DZIP3: variants seen among roughly 807,000 people sequenced by gnomAD.
DZIP3 encodes E3 ubiquitin-protein ligase DZIP3.
DZIP3 carries 118 observed loss-of-function variants against 162.0 expected under a neutral mutation model. The observed-to-expected ratio is 0.73, with a 90% CI of 0.63 to 0.85. DZIP3 has a LOEUF of 0.85. Ranked by LOEUF, DZIP3 falls within the 40% of genes least tolerant of loss-of-function variation. DZIP3 has a pLI of 0.00. For synonymous variants in DZIP3, 438 were observed against 458.6 expected, an observed-to-expected ratio of 0.96 and a Z score of 0.57; for missense variants, 1,331 against 1,407.0, an observed-to-expected ratio of 0.95 and a Z score of 0.86.
chr3:108,681,632 T>C (rs1180306553), intron 26 of DZIP3, among the ~76,000 whole-genome samples: 2 of 151,918 alleles, frequency 1.3e-5, no homozygotes, highest in Non-Finnish European at 2.9e-5. Flanking sequence ...CATGCACACA[T>C]ATGTTTATTG....
At chr3:108,621,129 G>T (rs1412946245) in intron 5 of DZIP3, among the ~76,000 whole-genome samples, 1 of 151,942 alleles carries the variant, frequency 6.6e-6, no homozygotes, top group East Asian at 1.9e-4. Flanking sequence ...CCAGATCATT[G>T]TATTTTTAAA....
intron 11 of DZIP3, among the ~76,000 whole-genome samples, 183 bp downstream of exon 11, chr3:108,636,891 T>G (rs1479388029): frequency 2.6e-5 from 4 of 151,790 alleles, no homozygotes; most frequent in Admixed American, 2.6e-4. Flanking sequence ...TAAGTGGTCC[T>G]TAAGAACAGT....
chr3:108,599,961 A>T (rs949649324), intron 1 of DZIP3, among the ~76,000 whole-genome samples: 19 of 152,202 alleles, frequency 1.2e-4, no homozygotes, highest in African/African-American at 4.3e-4. Context: ...TCATTTCAAA[A>T]GCCACAAAGA....
chr3:108,664,490 G>A (rs902735556), intron 21 of DZIP3, among the ~76,000 whole-genome samples: 4 of 152,242 alleles, frequency 2.6e-5, no homozygotes, highest in African/African-American at 9.6e-5. Flanking sequence ...CTGCCAGGAT[G>A]TGTCAGTGTG....
intron 19 of DZIP3, among the ~76,000 whole-genome samples, chr3:108,658,547 T>C (rs1342222488): frequency 5.9e-5 from 9 of 151,670 alleles, no homozygotes; most frequent in Non-Finnish European, 1.0e-4. Flanking sequence ...AGGAAAGATC[T>C]AAAATTGACA....
intron 9 of DZIP3, among the ~76,000 whole-genome samples, chr3:108,633,428 C>T (rs541071431): frequency 6.6e-6 from 1 of 151,882 alleles, no homozygotes; most frequent in Admixed American, 6.6e-5. Flanking sequence ...AGAATGGTAG[C>T]ATTTTACTAA....
At chr3:108,602,452 G>A (rs1298582150) in intron 1 of DZIP3, among the ~76,000 whole-genome samples, 1 of 152,098 alleles carries the variant, frequency 6.6e-6, no homozygotes, top group African/African-American at 2.4e-5. Flanking sequence ...GTGGATAAAG[G>A]TGTGCTGTAA....
Position 108,677,649 on chromosome 3 carries a change from G to A in DZIP3, c.2883+51G>A, listed in dbSNP as rs112789715. On this transcript the variant is annotated intron_variant, in intron 26 of 32. Coordinates refer to ENST00000361582, the MANE Select transcript of DZIP3 (RefSeq NM_014648.4). ...TTGCCCTTTTCATTTTGACAAAATG[G>A]TAAGGGCTGTGAAACACTGAATATG... 1.4e-3 allele frequency: 2,023 copies of A among 1,486,196 alleles called. 15 individuals are homozygous for A. The African/African-American group carries it at 0.025, about 18-fold the overall frequency. 92.1% of individuals were successfully genotyped at this position (1,486,196 alleles called of 1,614,324 possible). A position where few individuals can be genotyped will look rare whatever the true frequency, so the allele number is the denominator to read the frequency against.
rs918970929 is a variant in DZIP3, at chr3:108,675,041, G to A, written c.2694-745G>A. On this transcript the variant is annotated intron_variant, in intron 24 of 32. Coordinates refer to ENST00000361582, the MANE Select transcript of DZIP3 (RefSeq NM_014648.4). ...CATTAGGATATTATGGAACTTCTTT[G>A]TATGAGATTATGTTAGTGATAACTT... is the stretch of plus-strand genomic sequence containing the variant. Among the ~76,000 whole-genome samples the A allele has an allele frequency of 2.0e-5, 3 of 151,864 alleles. 1 individual carries two copies. Among genetic ancestry groups the A allele is most frequent in the Non-Finnish European group, 4.4e-5 (3 of 67,914 alleles).
intron 28 of DZIP3, among the ~76,000 whole-genome samples, chr3:108,687,212 A>G (rs560944136): frequency 9.9e-5 from 15 of 152,042 alleles, no homozygotes; most frequent in Non-Finnish European, 1.2e-4. Flanking sequence ...ACACTTCATT[A>G]TTAAATTATA....
intron 19 of DZIP3, among the ~76,000 whole-genome samples, chr3:108,661,412 A>ACTCATAGG (rs1943426467): frequency 6.6e-6 from 1 of 152,176 alleles, no homozygotes. Flanking sequence ...ACATGTTCTC[A>ACTCATAGG]CTCATAGGTG....
At chr3:108,664,824 G>A (rs1042543394) in intron 21 of DZIP3, among the ~76,000 whole-genome samples, 2 of 152,166 alleles carry the variant, frequency 1.3e-5, no homozygotes, top group African/African-American at 4.8e-5. Context: ...AGTGTGAGCT[G>A]GTGCTCCACT....
At chr3:108,648,877 A>G (rs755605939) in intron 16 of DZIP3, 41 bp from the exon 17 acceptor site, 6 of 1,073,418 alleles carry the variant, frequency 5.6e-6, no homozygotes, top group Middle Eastern at 2.4e-4. Context: ...CCATTGGGCA[A>G]TTTGAATTAC....
At position 108,673,587 on chromosome 3, in the gene DZIP3, G is replaced by C. The variant is rs78416171; in HGVS notation, c.2590-491G>C. Among the ~76,000 whole-genome samples the C allele has an allele frequency of 1.6e-3, 240 of 151,934 alleles. 3 individuals carry two copies. In the East Asian group the frequency reaches 0.038, roughly 24 times the overall value. ...GTGATATGGAAAGGATTCCTGCTGCGAGAGAGACACTGAACTACGTAATCT... is the reference window on the plus strand; with the variant it reads ...GTGATATGGAAAGGATTCCTGCTGCCAGAGAGACACTGAACTACGTAATCT... On this transcript the variant is annotated intron_variant, in intron 23 of 32. Coordinates refer to ENST00000361582, the MANE Select transcript of DZIP3 (RefSeq NM_014648.4).
intron 1 of DZIP3, among the ~76,000 whole-genome samples, chr3:108,594,480 G>A (rs1359692854): frequency 2.2e-5 from 3 of 134,122 alleles, no homozygotes; most frequent in African/African-American, 8.6e-5. Flanking sequence ...TACATGTGCA[G>A]GTTTGTTACA....
intron 2 of DZIP3, among the ~76,000 whole-genome samples, chr3:108,607,117 T>C (rs1940423208): frequency 6.6e-6 from 1 of 152,160 alleles, no homozygotes; most frequent in Admixed American, 6.5e-5. Flanking sequence ...AAAGACAGGT[T>C]TCTTTTTACC....
intron 6 of DZIP3, 42 bp downstream of exon 6, chr3:108,624,566 C>T: frequency 8.7e-7 from 1 of 1,147,820 alleles, no homozygotes; most frequent in Non-Finnish European, 1.2e-6. Context: ...CTTTTTACAT[C>T]TTGGAATAAT....
chr3:108,683,807 A>G (rs1165007590), intron 26 of DZIP3, among the ~76,000 whole-genome samples: 1 of 152,160 alleles, frequency 6.6e-6, no homozygotes, highest in African/African-American at 2.4e-5. Context: ...CTGAGTATCA[A>G]TATTGCCCAC....
intron 19 of DZIP3, 90 bp downstream of exon 19, chr3:108,654,400 C>A: frequency 7.1e-7 from 1 of 1,406,524 alleles, no homozygotes; most frequent in Non-Finnish European, 1.0e-6. Context: ...TTTGAAAAGC[C>A]CAGTGGTTTA....
Sources: gnomAD v4.1 joint callset for allele counts (sites outside exome capture counted in the v4.1 genomes callset) on GRCh38, gnomAD v4.1.1 for gene constraint, MANE v1.5 for transcripts, NCBI Gene and HGNC (gene_info 2026-07-23, HGNC 2026-07-21) for gene names.